Variants in DLL1 observed in about 807,000 individuals in gnomAD.
DLL1 encodes the protein delta like canonical Notch ligand 1.
DLL1 carries 9 observed loss-of-function variants against 75.1 expected under a neutral mutation model. That is an observed-to-expected ratio of 0.12 (90% CI 0.07 to 0.21). The LOEUF (loss-of-function observed/expected upper bound fraction) is 0.21. Ranked by LOEUF, DLL1 falls within the 10% of genes least tolerant of loss-of-function variation. The probability of loss-of-function intolerance (pLI) is 1.00; values close to 1 mark genes in which losing one functional copy is unlikely to be tolerated. For synonymous variants in DLL1, 477 were observed against 418.3 expected (o/e 1.14, Z -1.71); for missense variants, 837 against 1,007.6 (o/e 0.83, Z 2.29).
chr6:170,283,077 C>T lies in DLL1; in HGVS notation c.2077G>A (p.Asp693Asn), dbSNP rs1393594826. Reference sequence around the variant, plus strand: ...TCTTTTGAAGTTGAACAGCCCGAGTCCGGCCTTTTTCTTTCAGATGCTTCT... The same window carrying T: ...TCTTTTGAAGTTGAACAGCCCGAGTTCGGCCTTTTTCTTTCAGATGCTTCT... Reference protein sequence around the residue: ...GGEASERKRPDSGCSTSKDTK... With the variant: ...GGEASERKRPNSGCSTSKDTK... Residue 693 changes from aspartate (D) to asparagine (N), a missense_variant, in exon 10 of 11, where the codon GAC becomes AAC. Asp to Asn is a conservative substitution (Grantham distance 23). Coordinates refer to ENST00000366756, the MANE Select transcript of DLL1 (RefSeq NM_005618.4). 5 of 1,614,092 alleles carry T rather than the reference C, an allele frequency of 3.1e-6. No individual in the cohort carries two copies. Among genetic ancestry groups the T allele is most frequent in the Non-Finnish European group, 3.4e-6 (4 of 1,180,036 alleles).
In DLL1 at chr6:170,283,824, G is replaced by A. The variant is rs144456629; in HGVS notation, c.1455C>T (p.Cys485=). The part of the protein sequence containing the change: ...GRNCSAPVSR[C]EHAPCHNGAT... ...CCCCATTGTGGCAGGGTGCGTGCTC[G>A]CACCTGCTGACGGGGGCACTGCAGT... The change falls in exon 9 of 11, where the codon TGC becomes TGT. Residue 485 remains cysteine (C), a synonymous_variant. Transcript: ENST00000366756. 341 of 1,596,020 alleles carry A rather than the reference G, an allele frequency of 2.1e-4. No individual in the cohort carries two copies. The highest frequency in any genetic ancestry group is 3.0e-4 in the East Asian group (13 of 43,860).
In DLL1 at chr6:170,283,590, G is replaced by C; in HGVS notation, c.1689C>G (p.Ala563=). The C allele has an allele frequency of 1.2e-6, 2 of 1,612,752 alleles. No homozygotes were observed. The highest frequency in any genetic ancestry group is 1.7e-6 in the Non-Finnish European group (2 of 1,179,862). The change falls in exon 9 of 11, where the codon GCC becomes GCG. Residue 563 remains alanine, a synonymous_variant. Transcript: ENST00000366756. ...TCAGCCGGACGCAGACCACCACAGC[G>C]GCACAGCCCAGCAGCAGCATGAGGA... is the stretch of plus-strand genomic sequence containing the variant. The part of the protein sequence containing the change: ...ILVLMLLLGC[A]AVVVCVRLRL...
Position 170,286,410 on chromosome 6 carries a change from G to C in DLL1, c.671-112C>G, listed in dbSNP as rs577215010. The C allele has an allele frequency of 3.5e-4, 472 of 1,332,432 alleles. 6 individuals carry two copies. In the South Asian group the frequency reaches 5.2e-3, roughly 15 times the overall value. The allele number at this position is 1,332,432 out of a possible 1,614,324, so 82.5% of individuals were successfully genotyped here. On this transcript the variant is annotated intron_variant, in intron 4 of 10. Coordinates refer to ENST00000366756, the MANE Select transcript of DLL1 (RefSeq NM_005618.4). The stretch of plus-strand genomic sequence containing the variant: ...CGGCTTCAGTCAGCAAATCCCAGCT[G>C]AGTTAATCTTCCCAGGTTGTGGAGG...
chr6:170,283,215 G>A lies in DLL1; in HGVS notation c.2048+16C>T, dbSNP rs750638418. ...CCCCAGGTACCCCCTCCTGATGCCC[G>A]GCCCGCAGCACGCACCCCCTGAGTG... On this transcript the variant is annotated intron_variant, in intron 9 of 10. Transcript: ENST00000366756. The A allele has an allele frequency of 2.6e-5, 42 of 1,612,668 alleles. No homozygotes were observed. The highest frequency in any genetic ancestry group is 1.6e-4 in the Middle Eastern group (1 of 6,084).
intron 8 of DLL1, 120 bp from the exon 9 acceptor site, chr6:170,284,149 G>T: frequency 7.7e-7 from 1 of 1,296,012 alleles, no homozygotes; most frequent in Non-Finnish European, 1.1e-6. Context: ...ACAGTCTGTG[G>T]CCTGAATGAG....
At chr6:170,284,547 A>G (rs1783652584) in intron 8 of DLL1, among the ~76,000 whole-genome samples, 1 of 152,162 alleles carries the variant, frequency 6.6e-6, no homozygotes, top group African/African-American at 2.4e-5. Flanking sequence ...GTCCTCACTC[A>G]GGGACACCCC....
Position 170,288,935 on chromosome 6 carries a change from G to A in DLL1, c.352-146C>T, listed in dbSNP as rs1426115453. Reference sequence around the variant, plus strand: ...CAGCGTGTCTGGAGAGGGTCTCCACGCACCTCCTGCCTGCTCTCACCTTCC... The same window carrying A: ...CAGCGTGTCTGGAGAGGGTCTCCACACACCTCCTGCCTGCTCTCACCTTCC... On this transcript the variant is annotated intron_variant, in intron 2 of 10. Transcript: ENST00000366756. The A allele has an allele frequency of 3.6e-6, 3 of 845,002 alleles. No individual in the cohort carries two copies. In the East Asian group the frequency reaches 7.5e-5, roughly 21 times the overall value. 52.3% of individuals were successfully genotyped at this position (845,002 alleles called of 1,614,324 possible).
Position 170,285,006 on chromosome 6 carries a change from C to G in DLL1, c.1162G>C (p.Gly388Arg), listed in dbSNP as rs368711596. The change falls in exon 8 of 11, where the codon GGG becomes CGG. Residue 388 changes from glycine (G) to arginine (R), a missense_variant. By Grantham distance (125) the Gly-to-Arg change is moderately radical. Coordinates refer to ENST00000366756, the MANE Select transcript of DLL1 (RefSeq NM_005618.4). ...CCCACGGGGCAGCGGCAGCTGTACCCTCCATCGGGGCTGTCTGAGCACCGA... is the reference window on the plus strand; with the variant it reads ...CCCACGGGGCAGCGGCAGCTGTACCGTCCATCGGGGCTGTCTGAGCACCGA... Reference protein sequence around the residue: ...GGRCSDSPDGGYSCRCPVGYS... With the variant: ...GGRCSDSPDGRYSCRCPVGYS... 6.2e-7 allele frequency: 1 copy of G among 1,614,172 alleles called. No individual in the cohort carries two copies. The highest frequency in any genetic ancestry group is 2.2e-5 in the East Asian group (1 of 44,866).
At position 170,282,772 on chromosome 6, in the gene DLL1, C is replaced by T. The variant is rs748096376; in HGVS notation, c.*102G>A. ...CTGAACTCGGTTTCTCAGCAGCAGT[C>T]CACGAGGCCTCCCTCCTCTTCAGCA... On this transcript the variant is annotated 3_prime_UTR_variant, in exon 11 of 11. Coordinates refer to ENST00000366756, the MANE Select transcript of DLL1 (RefSeq NM_005618.4). 164 of 1,590,768 alleles carry T rather than the reference C, an allele frequency of 1.0e-4. 1 individual carries two copies. In the Middle Eastern group the frequency reaches 1.1e-3, roughly 11 times the overall value.
chr6:170,290,917 C>G lies in DLL1; in HGVS notation c.-778G>C, dbSNP rs1262469072. On this transcript the variant is annotated 5_prime_UTR_variant, in exon 1 of 11. Transcript: ENST00000366756. The surrounding 1 kb of genome is among the most constrained non-coding windows in gnomAD (Gnocchi z 4.7). ...GCCGGGTCGGGTCTCCGCGGGTGCG[C>G]GCAGAGGATCTGGCTCTCGCCGGCG... 2.9e-6 allele frequency: 2 copies of G among 695,984 alleles called. No individual in the cohort carries two copies. The highest frequency in any genetic ancestry group is 5.2e-6 in the Non-Finnish European group (2 of 381,704). 43.1% of individuals were successfully genotyped at this position (695,984 alleles called of 1,614,324 possible).
rs111649008 is a variant in DLL1, at chr6:170,286,032, T to G, written c.731+206A>C. Among the ~76,000 whole-genome samples, 1,454 of 152,358 alleles carry G rather than the reference T, an allele frequency of 9.5e-3. 26 individuals are homozygous for G. The highest frequency in any genetic ancestry group is 0.033 in the African/African-American group (1,367 of 41,580). On this transcript the variant is annotated intron_variant, in intron 5 of 10. Transcript: ENST00000366756. Reference sequence around the variant, plus strand: ...ACTATCTGTAAATTCTCATAGCCGTTAAGGGGCTTAGACGAATGACAACTC... The same window carrying G: ...ACTATCTGTAAATTCTCATAGCCGTGAAGGGGCTTAGACGAATGACAACTC...
Position 170,289,513 on chromosome 6 carries a change from G to A in DLL1, c.350C>T (p.Pro117Leu). 1 of 1,534,294 alleles carries A rather than the reference G, an allele frequency of 6.5e-7. No individual in the cohort carries two copies. Among genetic ancestry groups the A allele is most frequent in the Non-Finnish European group, 8.7e-7 (1 of 1,146,098 alleles). ...PIRFPFGFTW[P>L]GTFSLIIEAL... ...GGCGCGCGCAGGTGCGGCACTCACCGGCCAGGTGAAGCCGAAGGGGAAGCG... is the reference window on the plus strand; with the variant it reads ...GGCGCGCGCAGGTGCGGCACTCACCAGCCAGGTGAAGCCGAAGGGGAAGCG... Residue 117 changes from proline to leucine, a missense_variant and splice_region_variant, in exon 2 of 11, where the codon CCG (proline) becomes CTG (leucine). This residue lies in a region of DLL1 where 304 missense variants were observed against 461.9 expected (regional missense o/e 0.66). Transcript: ENST00000366756.
chr6:170,291,048 C>T lies in DLL1; in HGVS notation c.-909G>A. The T allele has an allele frequency of 1.4e-6, 1 of 702,006 alleles. No individual in the cohort carries two copies. Among genetic ancestry groups the T allele is most frequent in the Non-Finnish European group, 2.6e-6 (1 of 384,662 alleles). 43.5% of individuals were successfully genotyped at this position (702,006 alleles called of 1,614,324 possible). A position where few individuals can be genotyped will look rare whatever the true frequency, so the allele number is the denominator to read the frequency against. ...TCACAAAGGAGCCACTTTTCCAAAC[C>T]CTCCTCTCAATGGATCGCCAAATGG... On this transcript the variant is annotated 5_prime_UTR_variant, in exon 1 of 11. Coordinates refer to ENST00000366756, the MANE Select transcript of DLL1 (RefSeq NM_005618.4).
Position 170,282,746 on chromosome 6 carries a change from T to C in DLL1, c.*128A>G. 1 of 1,518,710 alleles carries C rather than the reference T, an allele frequency of 6.6e-7. No homozygotes were observed. Among genetic ancestry groups the C allele is most frequent in the Admixed American group, 1.7e-5 (1 of 59,862 alleles). 94.1% of individuals were successfully genotyped at this position (1,518,710 alleles called of 1,614,324 possible). On this transcript the variant is annotated 3_prime_UTR_variant, in exon 11 of 11. Coordinates refer to ENST00000366756, the MANE Select transcript of DLL1 (RefSeq NM_005618.4). ...GACCTCAGGAGGAGAACCTGCTCGG[T>C]CTGAACTCGGTTTCTCAGCAGCAGT...
intron 4 of DLL1, among the ~76,000 whole-genome samples, chr6:170,287,921 C>T (rs1783739604): frequency 6.6e-6 from 1 of 152,200 alleles, no homozygotes. Context: ...TCCTCTCCCT[C>T]TCTAATACAC....
rs1458059168 is a variant in DLL1 at position 170,282,445 on chromosome 6, T to C, written c.*429A>G. On this transcript the variant is annotated 3_prime_UTR_variant, in exon 11 of 11. Coordinates refer to ENST00000366756, the MANE Select transcript of DLL1 (RefSeq NM_005618.4). ...ATATCATGAAAAATATTTTTACAAA[T>C]CCAAAAAATAACACACATCTTTTCC... 8.9e-6 allele frequency: 2 copies of C among 224,014 alleles called. No homozygotes were observed. The highest frequency in any genetic ancestry group is 4.6e-5 in the African/African-American group (2 of 43,942). The allele number at this position is 224,014 out of a possible 1,614,324, so 13.9% of individuals were successfully genotyped here.
At chr6:170,288,050 C>T in intron 4 of DLL1, 189 bp downstream of exon 4, 2 of 782,040 alleles carry the variant, frequency 2.6e-6, no homozygotes, top group Admixed American at 2.3e-5. Flanking sequence ...GTTAAAATGT[C>T]TGCGTTGACC....
intron 5 of DLL1, 91 bp from the exon 6 acceptor site, chr6:170,285,790 C>T: frequency 6.4e-7 from 1 of 1,560,524 alleles, no homozygotes; most frequent in Non-Finnish European, 8.8e-7. Context: ...TCCCGCAGCA[C>T]CAGTGAGCCT....
In DLL1 at chr6:170,288,466, G is replaced by A; in HGVS notation, c.443C>T (p.Ala148Val). Reference sequence around the variant, plus strand: ...GCCCACCGTCAGGTGCCTCTGGGTGGCCAGGCGGCTGATGAGTCTTTCTGG... The same window carrying A: ...GCCCACCGTCAGGTGCCTCTGGGTGACCAGGCGGCTGATGAGTCTTTCTGG... ...ENPERLISRL[A>V]TQRHLTVGEE... The change falls in exon 4 of 11, where the codon GCC becomes GTC. Residue 148 changes from alanine to valine, a missense_variant. Ala to Val is a moderately conservative substitution (Grantham distance 64). Coordinates refer to ENST00000366756, the MANE Select transcript of DLL1 (RefSeq NM_005618.4). The A allele has an allele frequency of 6.2e-7, 1 of 1,614,110 alleles. No individual in the cohort carries two copies. Among genetic ancestry groups the A allele is most frequent in the Non-Finnish European group, 8.5e-7 (1 of 1,180,052 alleles).
Sources: gnomAD v4.1 joint callset for allele counts (sites outside exome capture counted in the v4.1 genomes callset) on GRCh38, gnomAD v4.1.1 for gene constraint, gnomAD v4.1.1 regional missense constraint, Gnocchi (gnomAD v3.1) non-coding constraint, MANE v1.5 for transcripts, NCBI Gene and HGNC (gene_info 2026-07-23, HGNC 2026-07-21) for gene names.